Variants in ADARB1 observed in about 807,000 individuals in gnomAD.
The protein encoded by ADARB1 is double-stranded RNA-specific editase 1.
In ADARB1, 10 loss-of-function variants were observed where a neutral mutation model predicts 52.4. The observed-to-expected ratio is 0.19, with a 90% CI of 0.12 to 0.32. The LOEUF is 0.32. ADARB1 is among the 10% of genes least tolerant of loss of function. The probability of loss-of-function intolerance (pLI) is 1.00; values close to 1 mark genes in which losing one functional copy is unlikely to be tolerated. For synonymous variants in ADARB1, 349 were observed against 371.1 expected, an observed-to-expected ratio of 0.94 and a Z score of 0.68; for missense variants, 643 against 922.3, an observed-to-expected ratio of 0.70 and a Z score of 3.92.
Position 45,176,582 on chromosome 21 carries a change from C to G in ADARB1, c.881C>G (p.Ala294Gly). 6.2e-7 allele frequency: 1 copy of G among 1,614,194 alleles called. No homozygotes were observed. The highest frequency in any genetic ancestry group is 8.5e-7 in the Non-Finnish European group (1 of 1,180,036). The change falls in exon 4 of 11, where the codon GCC becomes GGC. Residue 294 changes from alanine (A) to glycine (G), a missense_variant. Around this residue, in one of 2 missense-constraint regions of ADARB1, gnomAD observed 380 missense variants for 446.5 expected, o/e 0.85. Coordinates refer to ENST00000348831, the MANE Select transcript of ADARB1 (RefSeq NM_001112.4). The surrounding 1 kb of genome is among the most constrained non-coding windows in gnomAD (Gnocchi z 5.8). ...AKARAAQSALAAIFNLHLDQT... is the reference protein window; with the variant it reads ...AKARAAQSALGAIFNLHLDQT... ...GCCCGGGCTGCGCAGTCTGCCCTGG[C>G]CGCCATTTTTAACTTGCACTTGGAT...
At chr21:45,143,058 A>G (rs1413519300) in intron 2 of ADARB1, among the ~76,000 whole-genome samples, 1 of 152,164 alleles carries the variant, frequency 6.6e-6, no homozygotes, top group Non-Finnish European at 1.5e-5. Context: ...AGATTTGATG[A>G]TGTTTAAATG....
At chr21:45,122,036 T>C (rs1456695843) in intron 1 of ADARB1, among the ~76,000 whole-genome samples, 1 of 152,238 alleles carries the variant, frequency 6.6e-6, no homozygotes, top group African/African-American at 2.4e-5. Flanking sequence ...GTTGATTACT[T>C]TCTCTTGACC....
chr21:45,224,356 C>G lies in ADARB1; in HGVS notation c.*2159C>G. Reference sequence around the variant, plus strand: ...AGTGCCTCACCTTGTGGGGCCTGAGCAGCTACCTTGAGACCATGTGAGGTG... The same window carrying G: ...AGTGCCTCACCTTGTGGGGCCTGAGGAGCTACCTTGAGACCATGTGAGGTG... On this transcript the variant is annotated 3_prime_UTR_variant, in exon 11 of 11. Coordinates refer to ENST00000348831, the MANE Select transcript of ADARB1 (RefSeq NM_001112.4). 1 of 985,486 alleles carries G rather than the reference C, an allele frequency of 1.0e-6. No individual in the cohort carries two copies. The highest frequency in any genetic ancestry group is 1.1e-4 in the East Asian group (1 of 8,754). The allele number at this position is 985,486 out of a possible 1,614,324, so 61.0% of individuals were successfully genotyped here. A position where few individuals can be genotyped will look rare whatever the true frequency, so the allele number is the denominator to read the frequency against.
intron 2 of ADARB1, among the ~76,000 whole-genome samples, chr21:45,153,844 T>G (rs116025511): frequency 0.015 from 2,230 of 152,290 alleles, 51 homozygotes; most frequent in African/African-American, 0.051. Flanking sequence ...CCCTCTGCCC[T>G]CACCTCAAGA....
At chr21:45,110,754 C>T (rs2087496634) in intron 1 of ADARB1, among the ~76,000 whole-genome samples, 1 of 152,048 alleles carries the variant, frequency 6.6e-6, no homozygotes, top group Non-Finnish European at 1.5e-5. Context: ...ATTTTAAAAA[C>T]TAATAAACAT....
At chr21:45,160,673 G>A (rs780240887) in intron 2 of ADARB1, among the ~76,000 whole-genome samples, 2 of 152,192 alleles carry the variant, frequency 1.3e-5, no homozygotes, top group African/African-American at 2.4e-5. Flanking sequence ...CAGTCATAAC[G>A]TTATGGATTT....
At chr21:45,118,249 T>C (rs1260908168) in intron 1 of ADARB1, among the ~76,000 whole-genome samples, 1 of 152,248 alleles carries the variant, frequency 6.6e-6, no homozygotes, top group African/African-American at 2.4e-5. Context: ...TTGCCATGGT[T>C]TCTCCTATCC....
Position 45,220,099 on chromosome 21 carries a change from T to C in ADARB1, c.1748-737T>C, listed in dbSNP as rs988535625. Among the ~76,000 whole-genome samples, 14 of 152,058 alleles carry C rather than the reference T, an allele frequency of 9.2e-5. No homozygotes were observed. The highest frequency in any genetic ancestry group is 2.2e-4 in the African/African-American group (9 of 41,416). On this transcript the variant is annotated intron_variant, in intron 9 of 10. Coordinates refer to ENST00000348831, the MANE Select transcript of ADARB1 (RefSeq NM_001112.4). The surrounding 1 kb of genome is among the most constrained non-coding windows in gnomAD (Gnocchi z 6.3). ...CTTGCTTCAATTTTAGCAGAAGTCA[T>C]GTAGCTCTGATAGGAGCGCTTTTCA... is the stretch of plus-strand genomic sequence containing the variant.
chr21:45,213,711 G>C (rs1359709666), intron 9 of ADARB1, among the ~76,000 whole-genome samples: 2 of 152,210 alleles, frequency 1.3e-5, no homozygotes, highest in Non-Finnish European at 2.9e-5. Flanking sequence ...GATCTATGTT[G>C]TTGGGTTTAT....
At chr21:45,217,483 C>CT (rs1307158481) in intron 9 of ADARB1, among the ~76,000 whole-genome samples, 3 of 152,118 alleles carry the variant, frequency 2.0e-5, no homozygotes, top group African/African-American at 7.2e-5. Context: ...CAACAGGATA[C>CT]TTTCGTTTTT....
At chr21:45,117,546 T>A (rs1198006393) in intron 1 of ADARB1, among the ~76,000 whole-genome samples, 1 of 151,920 alleles carries the variant, frequency 6.6e-6, no homozygotes, top group Non-Finnish European at 1.5e-5. Context: ...CGTAGGACTG[T>A]GACACTTTAT....
intron 2 of ADARB1, among the ~76,000 whole-genome samples, chr21:45,166,360 G>T (rs1398651547): frequency 6.6e-6 from 1 of 152,150 alleles, no homozygotes; most frequent in African/African-American, 2.4e-5. Context: ...ATCAGGACAC[G>T]GTGAGGGAAC....
At chr21:45,150,223 G>A (rs1029805332) in intron 2 of ADARB1, among the ~76,000 whole-genome samples, 1 of 152,212 alleles carries the variant, frequency 6.6e-6, no homozygotes, top group African/African-American at 2.4e-5. Context: ...GCAGTGAGCT[G>A]AGATCCTGCC....
At chr21:45,095,535 C>T (rs571631343) in intron 1 of ADARB1, among the ~76,000 whole-genome samples, 2 of 152,278 alleles carry the variant, frequency 1.3e-5, no homozygotes, top group South Asian at 2.1e-4. Context: ...CTCTCCATCC[C>T]GCTGTTTCAG....
chr21:45,201,980 C>T (rs892168515), intron 8 of ADARB1, among the ~76,000 whole-genome samples: 17 of 152,066 alleles, frequency 1.1e-4, no homozygotes, highest in Admixed American at 1.1e-3. Flanking sequence ...CAAGGAGGTC[C>T]CTGAGGGTGG....
chr21:45,088,859 G>A (rs1380066202), intron 1 of ADARB1, among the ~76,000 whole-genome samples: 2 of 152,170 alleles, frequency 1.3e-5, no homozygotes, highest in African/African-American at 4.8e-5. Context: ...CTCTGTCAGG[G>A]ACTCCTGCCA....
chr21:45,197,588 A>T (rs987280217), intron 8 of ADARB1, among the ~76,000 whole-genome samples: 2 of 152,222 alleles, frequency 1.3e-5, no homozygotes, highest in Non-Finnish European at 2.9e-5. Flanking sequence ...ATGAAAGCGT[A>T]TGTCCACGCA....
At chr21:45,075,237 CGG>C (rs1286778666) in intron 1 of ADARB1, among the ~76,000 whole-genome samples, 1 of 150,180 alleles carries the variant, frequency 6.7e-6, no homozygotes, top group African/African-American at 2.5e-5. Flanking sequence ...AAGGTTGCGC[CGG>C]GGAACGGGAG....
chr21:45,131,189 G>C (rs376545947), intron 2 of ADARB1, among the ~76,000 whole-genome samples: 15 of 152,174 alleles, frequency 9.9e-5, no homozygotes, highest in African/African-American at 3.6e-4. Flanking sequence ...GGACATTTAG[G>C]CACTGCTGCT....
Sources: gnomAD v4.1 joint callset for allele counts (sites outside exome capture counted in the v4.1 genomes callset) on GRCh38, gnomAD v4.1.1 for gene constraint, gnomAD v4.1.1 regional missense constraint, Gnocchi (gnomAD v3.1) non-coding constraint, MANE v1.5 for transcripts, NCBI Gene and HGNC (gene_info 2026-07-23, HGNC 2026-07-21) for gene names.